The following RPS6KC1 variants were observed in gnomAD, a reference collection of about 807,000 sequenced individuals.
The protein encoded by RPS6KC1 is ribosomal protein S6 kinase C1, also known as inactive ribosomal protein S6 kinase delta-1.
Under a neutral mutation model 103.8 loss-of-function variants are expected in RPS6KC1, and 54 were observed. The ratio of observed to expected loss-of-function variants is 0.52; its 90% CI spans 0.42 to 0.65. The LOEUF (loss-of-function observed/expected upper bound fraction) is 0.65, where lower values mean the gene tolerates loss of function less well. Among genes scored for constraint, RPS6KC1 ranks in the 30% least tolerant of loss-of-function variants. The pLI is 0.00. For missense variants in RPS6KC1, 1,151 were observed against 1,253.8 expected (o/e 0.92, Z 1.24); for synonymous variants, 439 against 438.7 (o/e 1.00, Z -0.01).
chr1:213,064,249 G>T (rs909092184), intron 1 of RPS6KC1, among the ~76,000 whole-genome samples: 1 of 152,014 alleles, frequency 6.6e-6, no homozygotes, highest in Non-Finnish European at 1.5e-5. Flanking sequence ...TAGAGGCGGG[G>T]TTTCACCATG....
At chr1:213,152,003 C>T (rs1357614886) in intron 6 of RPS6KC1, among the ~76,000 whole-genome samples, 33 of 121,862 alleles carry the variant, frequency 2.7e-4, no homozygotes, top group African/African-American at 7.7e-4. Context: ...TAGGGGTGGC[C>T]GGGCAGAGGC....
At chr1:213,564,981 C>T in the RPS6KC1 span, among the ~76,000 whole-genome samples, 1 of 152,186 alleles carries the variant, frequency 6.6e-6, no homozygotes. Context: ...TGTGAATAAA[C>T]ACTTCATAAA....
At position 213,248,522 on chromosome 1, in the gene RPS6KC1, A is replaced by G. The variant is rs12089456; in HGVS notation, c.2911+5864A>G. Among the ~76,000 whole-genome samples, 1,062 of 151,992 alleles carry G rather than the reference A, an allele frequency of 7.0e-3. 14 individuals carry two copies. Among genetic ancestry groups the G allele is most frequent in the African/African-American group, 0.024 (1,005 of 41,542 alleles). On this transcript the variant is annotated intron_variant, in intron 12 of 14. Coordinates refer to ENST00000366960, the MANE Select transcript of RPS6KC1 (RefSeq NM_012424.6). Reference sequence around the variant, plus strand: ...CTTTTCCACTGAAGAAAATTTCTTGATACACTTCACCACTGTATATCCATG... The same window carrying G: ...CTTTTCCACTGAAGAAAATTTCTTGGTACACTTCACCACTGTATATCCATG...
chr1:213,322,603 C>T, the RPS6KC1 span, among the ~76,000 whole-genome samples: 7 of 152,260 alleles, frequency 4.6e-5, no homozygotes, highest in Middle Eastern at 3.4e-3. Flanking sequence ...AGGTCAAAGT[C>T]GTAAAATCAA....
the RPS6KC1 span, among the ~76,000 whole-genome samples, chr1:213,654,690 T>A: frequency 6.6e-6 from 1 of 152,318 alleles, no homozygotes; most frequent in East Asian, 1.9e-4. Flanking sequence ...AAAAGTCATA[T>A]TTCTAATAAC....
intron 8 of RPS6KC1, among the ~76,000 whole-genome samples, chr1:213,203,847 T>C (rs1022252373): frequency 6.6e-6 from 1 of 152,240 alleles, no homozygotes; most frequent in South Asian, 2.1e-4. Context: ...CATTAACATA[T>C]AAATTATAAA....
intron 4 of RPS6KC1, among the ~76,000 whole-genome samples, chr1:213,114,200 T>C (rs1486537845): frequency 6.6e-6 from 1 of 152,192 alleles, no homozygotes; most frequent in Non-Finnish European, 1.5e-5. Context: ...GAGCATGGAA[T>C]ATTCTTCCAT....
rs201144845 is a variant in RPS6KC1, at chr1:213,242,333, G to A, written c.2821+36G>A. ...TTTGCAAATGCATTTCTTTTTATTC[G>A]CTGTTGCTTCCAATTAACTGAGTAG... is the stretch of plus-strand genomic sequence containing the variant. On this transcript the variant is annotated intron_variant, in intron 11 of 14. Coordinates refer to ENST00000366960, the MANE Select transcript of RPS6KC1 (RefSeq NM_012424.6). 17 of 1,605,842 alleles carry A rather than the reference G, an allele frequency of 1.1e-5. No homozygotes were observed. The African/African-American group carries it at 1.9e-4, about 18-fold the overall frequency.
the RPS6KC1 span, among the ~76,000 whole-genome samples, chr1:213,678,576 A>G: frequency 6.6e-6 from 1 of 152,070 alleles, no homozygotes; most frequent in Non-Finnish European, 1.5e-5. Flanking sequence ...CTGGCTGATC[A>G]TAAGCCTCAG....
the RPS6KC1 span, among the ~76,000 whole-genome samples, chr1:213,773,385 A>G: frequency 6.6e-6 from 1 of 151,228 alleles, no homozygotes; most frequent in African/African-American, 2.4e-5. Context: ...ATGGGCAGGG[A>G]GAATGGTTAG....
At chr1:213,515,945 C>T in the RPS6KC1 span, among the ~76,000 whole-genome samples, 1 of 96,250 alleles carries the variant, frequency 1.0e-5, no homozygotes, top group East Asian at 3.7e-4. Flanking sequence ...AGGTCCTTCA[C>T]ATCCCTTGTA....
the RPS6KC1 span, among the ~76,000 whole-genome samples, chr1:213,496,962 A>G: frequency 1.3e-5 from 2 of 152,216 alleles, no homozygotes; most frequent in African/African-American, 4.8e-5. Flanking sequence ...CTTCAGAGCC[A>G]GTTTATCAGC....
intron 6 of RPS6KC1, among the ~76,000 whole-genome samples, chr1:213,140,990 G>A (rs2086965576): frequency 6.6e-6 from 1 of 150,898 alleles, no homozygotes; most frequent in Non-Finnish European, 1.5e-5. Context: ...TCCCCCTCCC[G>A]GGTTCAAGTG....
intron 8 of RPS6KC1, among the ~76,000 whole-genome samples, chr1:213,193,046 C>T (rs1480451755): frequency 2.0e-5 from 3 of 151,420 alleles, no homozygotes; most frequent in African/African-American, 4.8e-5. Flanking sequence ...CCATTGTGGT[C>T]AGAAAAGATG....
the RPS6KC1 span, among the ~76,000 whole-genome samples, chr1:213,581,693 G>A: frequency 6.6e-6 from 1 of 152,116 alleles, no homozygotes; most frequent in Non-Finnish European, 1.5e-5. Flanking sequence ...TCTGCAGCAA[G>A]CATGAAGTGG....
chr1:213,359,487 T>A, the RPS6KC1 span, among the ~76,000 whole-genome samples: 1 of 152,228 alleles, frequency 6.6e-6, no homozygotes, highest in African/African-American at 2.4e-5. Flanking sequence ...TATAGCACAC[T>A]GATGGGTCTT....
rs2095068863 is a variant in RPS6KC1, at chr1:213,272,515, T to C, written c.3091-9T>C. 1.2e-6 allele frequency: 2 copies of C among 1,604,834 alleles called. No homozygotes were observed. The highest frequency in any genetic ancestry group is 1.1e-5 in the South Asian group (1 of 90,884). ...ATTCCTGTTACTCACTAAGTCCGTC[T>C]TTTTTTAGCTCTTGCAGTTCAATCC... On this transcript the variant is annotated splice_polypyrimidine_tract_variant and intron_variant, in intron 14 of 14. Transcript: ENST00000366960.
the RPS6KC1 span, among the ~76,000 whole-genome samples, chr1:213,391,560 C>G: frequency 6.6e-6 from 1 of 152,114 alleles, no homozygotes. Flanking sequence ...TCTGGTAGGC[C>G]TAGTAGAGGA....
At chr1:213,788,806 G>T in the RPS6KC1 span, among the ~76,000 whole-genome samples, 1 of 152,160 alleles carries the variant, frequency 6.6e-6, no homozygotes, top group Non-Finnish European at 1.5e-5. Flanking sequence ...GGACAGTTGA[G>T]GAGAGTGAAT....
Sources: gnomAD v4.1 joint callset for allele counts (sites outside exome capture counted in the v4.1 genomes callset) on GRCh38, gnomAD v4.1.1 for gene constraint, MANE v1.5 for transcripts, NCBI Gene and HGNC (gene_info 2026-07-23, HGNC 2026-07-21) for gene names.